The following FSD2 variants were observed in gnomAD, a reference collection of about 807,000 sequenced individuals.
The protein encoded by FSD2 is fibronectin type III and SPRY domain containing 2.
In FSD2, 71 loss-of-function variants were observed where a neutral mutation model predicts 80.4. The ratio of observed to expected loss-of-function variants is 0.88; its 90% CI spans 0.73 to 1.08. The LOEUF is 1.08. Among genes scored for constraint, FSD2 ranks in the 50% least tolerant of loss-of-function variants. FSD2 has a pLI of 0.00. For synonymous variants in FSD2, 361 were observed against 329.5 expected (o/e 1.10, Z -1.03); for missense variants, 923 against 913.8 (o/e 1.01, Z -0.13).
rs2050024036 is a variant in FSD2, at chr15:82,787,231, C to T, written c.160G>A (p.Glu54Lys). 6.2e-7 allele frequency: 1 copy of T among 1,613,966 alleles called. No homozygotes were observed. ...TTACCATCCCCTGCTCCTCTTGACT[C>T]ATTGGCCATTTCAGCTTGGACTACT... The part of the protein sequence containing the change: ...RKVVQAEMAN[E>K]SRGAGDGKAQ... The change falls in exon 2 of 13, where the codon GAG (glutamate) becomes AAG (lysine). Residue 54 changes from glutamate (E) to lysine (K), a missense_variant. By Grantham distance (56) the Glu-to-Lys change is moderately conservative. Transcript: ENST00000334574.
At chr15:82,782,107 A>AAT (rs1567310566) in intron 4 of FSD2, among the ~76,000 whole-genome samples, 1 of 56,564 alleles carries the variant, frequency 1.8e-5, no homozygotes, top group African/African-American at 7.5e-5. Flanking sequence ...ATAATAATAA[A>AAT]ACTCTTGGCC....
At chr15:82,770,935 CAG>C (rs1333390189) in intron 7 of FSD2, among the ~76,000 whole-genome samples, 1 of 152,180 alleles carries the variant, frequency 6.6e-6, no homozygotes, top group Admixed American at 6.5e-5. Flanking sequence ...GGGGTGCTGA[CAG>C]GGTTGATTTG....
chr15:82,776,534 G>A (rs2049717082), intron 6 of FSD2, among the ~76,000 whole-genome samples: 1 of 152,128 alleles, frequency 6.6e-6, no homozygotes, highest in Non-Finnish European at 1.5e-5. Context: ...AACTGAGGAG[G>A]TGAAAGACTT....
At chr15:82,783,547 C>A (rs1165449913) in intron 3 of FSD2, among the ~76,000 whole-genome samples, 3 of 152,198 alleles carry the variant, frequency 2.0e-5, no homozygotes, top group African/African-American at 4.8e-5. Context: ...CAGGAATAAT[C>A]TAAACAAAAG....
chr15:82,765,405 C>T, intron 10 of FSD2, 107 bp from the exon 11 acceptor site: 2 of 1,456,186 alleles, frequency 1.4e-6, no homozygotes, highest in South Asian at 2.5e-5. Flanking sequence ...AAGCCTGGAC[C>T]TGGCCTAGTA....
At chr15:82,762,008 A>C (rs1238054393) in intron 12 of FSD2, 94 bp downstream of exon 12, 3 of 1,099,074 alleles carry the variant, frequency 2.7e-6, no homozygotes, top group Non-Finnish European at 3.8e-6. Flanking sequence ...TATTTGTAAA[A>C]TATAACGTGT....
intron 12 of FSD2, 24 bp downstream of exon 12, chr15:82,762,078 G>A (rs778568712): frequency 1.1e-5 from 17 of 1,538,478 alleles, no homozygotes; most frequent in Non-Finnish European, 1.5e-5. Flanking sequence ...AATTTTAATT[G>A]TGAGTATCCA....
chr15:82,803,254 G>A (rs75743031), intron 1 of FSD2, among the ~76,000 whole-genome samples: 1,609 of 152,162 alleles, frequency 0.011, 9 homozygotes, highest in Non-Finnish European at 0.016. Flanking sequence ...TGCTGACTGC[G>A]CGCACCATGG....
intron 3 of FSD2, among the ~76,000 whole-genome samples, chr15:82,784,772 T>C (rs1009555880): frequency 6.6e-6 from 1 of 152,176 alleles, no homozygotes; most frequent in Non-Finnish European, 1.5e-5. Flanking sequence ...CATCCGAAGC[T>C]GCATTAATAG....
At chr15:82,778,611 T>C (rs2049778137) in intron 6 of FSD2, among the ~76,000 whole-genome samples, 155 bp downstream of exon 6, 1 of 152,218 alleles carries the variant, frequency 6.6e-6, no homozygotes, top group Non-Finnish European at 1.5e-5. Context: ...TCTAGAGGTA[T>C]GCTGTACAAC....
At chr15:82,791,287 C>T (rs1402448534) in intron 1 of FSD2, among the ~76,000 whole-genome samples, 5 of 151,954 alleles carry the variant, frequency 3.3e-5, no homozygotes, top group South Asian at 2.1e-4. Flanking sequence ...CGTGAGCCAC[C>T]GCACCCGGCA....
At chr15:82,800,271 G>C (rs1051716816) in intron 1 of FSD2, among the ~76,000 whole-genome samples, 1 of 152,190 alleles carries the variant, frequency 6.6e-6, no homozygotes, top group Admixed American at 6.5e-5. Flanking sequence ...ACAGGAAAAG[G>C]CTAGGAGTAA....
chr15:82,768,291 G>C (rs1246717442), intron 9 of FSD2, among the ~76,000 whole-genome samples: 5 of 152,176 alleles, frequency 3.3e-5, no homozygotes, highest in Non-Finnish European at 7.4e-5. Flanking sequence ...CTGTGTTCAT[G>C]CAGCCCCCTC....
At chr15:82,761,348 G>T (rs994819895) in intron 12 of FSD2, among the ~76,000 whole-genome samples, 1 of 152,170 alleles carries the variant, frequency 6.6e-6, no homozygotes, top group Non-Finnish European at 1.5e-5. Context: ...GGCTTCGTGA[G>T]ACTTTTTTTC....
chr15:82,775,928 T>G (rs535553337), intron 6 of FSD2, among the ~76,000 whole-genome samples: 2 of 152,348 alleles, frequency 1.3e-5, no homozygotes, highest in East Asian at 3.9e-4. Context: ...AATTTCCACA[T>G]ATCTGTGAAT....
At chr15:82,769,943 A>G (rs200888911) in intron 7 of FSD2, 59 bp from the exon 8 acceptor site, 2 of 1,595,530 alleles carry the variant, frequency 1.3e-6, no homozygotes, top group East Asian at 2.2e-5. Context: ...GCTCCAATTC[A>G]TTATGCCGAA....
rs79034037 is a variant in FSD2, at chr15:82,798,369, A to G, written c.-79+7597T>C. Among the ~76,000 whole-genome samples the G allele has an allele frequency of 2.2e-3, 338 of 152,282 alleles. 1 individual carries two copies. Among genetic ancestry groups the G allele is most frequent in the Non-Finnish European group, 3.9e-3 (267 of 68,024 alleles). On this transcript the variant is annotated intron_variant, in intron 1 of 12. Coordinates refer to ENST00000334574, the MANE Select transcript of FSD2 (RefSeq NM_001007122.4). ...GAAGATAGAAAGGAAGAAAGAACGAAAGGAAGAAAATTCATGTTTTAAGTG... is the reference window on the plus strand; with the variant it reads ...GAAGATAGAAAGGAAGAAAGAACGAGAGGAAGAAAATTCATGTTTTAAGTG...
In FSD2 at chr15:82,787,178, C is replaced by T. The variant is rs912463205; in HGVS notation, c.213G>A (p.Val71=). ...GTCCATATAAGTGGACAAGTTCATC[C>T]ACTTCCTCTTGAAGGTCTCTTTGAG... ...GKAQRDLQEE[V]DELVHLYGLE... Residue 71 remains valine, a synonymous_variant, in exon 2 of 13, where the codon GTG becomes GTA. Transcript: ENST00000334574. The T allele has an allele frequency of 6.2e-7, 1 of 1,613,864 alleles. No individual in the cohort carries two copies. The highest frequency in any genetic ancestry group is 8.5e-7 in the Non-Finnish European group (1 of 1,179,902).
intron 9 of FSD2, among the ~76,000 whole-genome samples, chr15:82,767,568 T>C (rs1026762132): frequency 3.9e-5 from 6 of 152,186 alleles, no homozygotes; most frequent in African/African-American, 1.4e-4. Context: ...TCTCAGGTCA[T>C]CTCTCAGGTT....
Sources: gnomAD v4.1 joint callset for allele counts (sites outside exome capture counted in the v4.1 genomes callset) on GRCh38, gnomAD v4.1.1 for gene constraint, MANE v1.5 for transcripts, NCBI Gene and HGNC (gene_info 2026-07-23, HGNC 2026-07-21) for gene names.